Variants in DCDC1 observed in about 807,000 individuals in gnomAD.
DCDC1 encodes the protein doublecortin domain containing 1.
In DCDC1, 200 loss-of-function variants were observed where a neutral mutation model predicts 178.3. That is an observed-to-expected ratio of 1.12 (90% CI 1.00 to 1.26). The LOEUF (loss-of-function observed/expected upper bound fraction) is 1.26, where lower values mean the gene tolerates loss of function less well. Among genes scored for constraint, DCDC1 ranks in the 50% most tolerant of loss-of-function variants. DCDC1 has a pLI of 0.00. For missense variants in DCDC1, 1,983 were observed against 1,749.2 expected, an observed-to-expected ratio of 1.13 and a Z score of -2.38; for synonymous variants, 690 against 604.8, an observed-to-expected ratio of 1.14 and a Z score of -2.07.
chr11:31,268,005 A>C (rs973511110), intron 7 of DCDC1, among the ~76,000 whole-genome samples: 1 of 152,186 alleles, frequency 6.6e-6, no homozygotes, highest in Non-Finnish European at 1.5e-5. Context: ...TCCTTAGCCA[A>C]TCATGTCTGA....
intron 20 of DCDC1, among the ~76,000 whole-genome samples, chr11:30,961,619 T>C (rs1949103337): frequency 6.6e-6 from 1 of 152,038 alleles, no homozygotes; most frequent in Non-Finnish European, 1.5e-5. Context: ...TTATAATGAA[T>C]TTAAAATGGT....
rs772887215 is a variant in DCDC1, at chr11:31,305,633, G to T, written c.736C>A (p.Pro246Thr). 1.2e-6 allele frequency: 2 copies of T among 1,613,334 alleles called. No homozygotes were observed. The highest frequency in any genetic ancestry group is 2.2e-5 in the South Asian group (2 of 90,996). ...TTTTTACCTTTAATTTTTTTGAATG[G>T]ATTTAAAAAGGGCTCTCCCGTTGAA... ...YVSTGEPFLN[P>T]FKKIKDHLLL... Residue 246 changes from proline to threonine, a missense_variant, in exon 6 of 39, where the codon CCA becomes ACA. Physicochemically the swap from Pro to Thr is conservative, Grantham distance 38. Coordinates refer to ENST00000684477, the MANE Select transcript of DCDC1 (RefSeq NM_001387274.1).
intron 9 of DCDC1, among the ~76,000 whole-genome samples, chr11:31,157,795 T>C (rs1965881376): frequency 6.6e-6 from 1 of 152,162 alleles, no homozygotes; most frequent in Non-Finnish European, 1.5e-5. Context: ...AATATTCTTA[T>C]GCCACAGAAC....
chr11:30,952,632 A>G, intron 20 of DCDC1, 64 bp from the exon 21 acceptor site: 1 of 655,904 alleles, frequency 1.5e-6, no homozygotes, highest in Non-Finnish European at 2.5e-6. Flanking sequence ...TAAAATATTC[A>G]TTTTATTCAT....
intron 7 of DCDC1, among the ~76,000 whole-genome samples, chr11:31,281,251 T>C (rs1051808616): frequency 6.6e-6 from 1 of 152,084 alleles, no homozygotes; most frequent in Non-Finnish European, 1.5e-5. Context: ...ACTTTTTTCT[T>C]GCCTTATCAC....
intron 9 of DCDC1, among the ~76,000 whole-genome samples, chr11:31,153,611 C>T (rs1425356774): frequency 6.6e-6 from 1 of 151,912 alleles, no homozygotes; most frequent in African/African-American, 2.4e-5. Flanking sequence ...GGTGAAACCC[C>T]ATCTCTCCTA....
At chr11:31,248,478 T>C (rs945215626) in intron 8 of DCDC1, among the ~76,000 whole-genome samples, 17 of 152,090 alleles carry the variant, frequency 1.1e-4, no homozygotes, top group African/African-American at 3.6e-4. Flanking sequence ...CTTTTTGTTC[T>C]TTTATTTCCT....
intron 9 of DCDC1, among the ~76,000 whole-genome samples, chr11:31,234,221 G>T (rs1976170198): frequency 6.6e-6 from 1 of 152,070 alleles, no homozygotes; most frequent in African/African-American, 2.4e-5. Context: ...ATTTTAGGGA[G>T]GTTATGTAAA....
At chr11:31,355,660 C>A (rs1951304597) in intron 1 of DCDC1, among the ~76,000 whole-genome samples, 1 of 152,046 alleles carries the variant, frequency 6.6e-6, no homozygotes, top group African/African-American at 2.4e-5. Context: ...CTCTGCCTCC[C>A]AGGTTCAAGC....
chr11:31,138,169 T>C (rs1344620317), intron 9 of DCDC1, among the ~76,000 whole-genome samples: 1 of 152,188 alleles, frequency 6.6e-6, no homozygotes, highest in Non-Finnish European at 1.5e-5. Flanking sequence ...TTTGCTGTTA[T>C]GTCGGGATAA....
intron 22 of DCDC1, among the ~76,000 whole-genome samples, chr11:30,930,000 G>A (rs1260407165): frequency 1.3e-5 from 2 of 151,966 alleles, no homozygotes; most frequent in African/African-American, 4.8e-5. Context: ...AATAGCTAAA[G>A]GACAGCATGT....
chr11:31,285,710 C>T (rs1010590233), intron 7 of DCDC1, among the ~76,000 whole-genome samples: 2 of 151,950 alleles, frequency 1.3e-5, no homozygotes, highest in Non-Finnish European at 2.9e-5. Flanking sequence ...AAGTCTATTG[C>T]TTTTTTATAC....
At chr11:31,353,018 C>T (rs1258433098) in intron 1 of DCDC1, among the ~76,000 whole-genome samples, 3 of 152,198 alleles carry the variant, frequency 2.0e-5, no homozygotes, top group Non-Finnish European at 2.9e-5. Flanking sequence ...AACACATATA[C>T]AAGTGTGCAC....
intron 2 of DCDC1, among the ~76,000 whole-genome samples, chr11:31,331,071 G>A (rs1949956407): frequency 6.6e-6 from 1 of 152,128 alleles, no homozygotes; most frequent in Admixed American, 6.5e-5. Flanking sequence ...TCTTTGAACG[G>A]TGGTTTGTAG....
chr11:30,881,656 G>T (rs2133977614), intron 36 of DCDC1, among the ~76,000 whole-genome samples: 1 of 152,218 alleles, frequency 6.6e-6, no homozygotes, highest in Non-Finnish European at 1.5e-5. Context: ...TAGTGACCAA[G>T]GAACTTGAAT....
At chr11:31,187,939 C>T (rs532078995) in intron 9 of DCDC1, among the ~76,000 whole-genome samples, 3 of 152,266 alleles carry the variant, frequency 2.0e-5, no homozygotes, top group East Asian at 3.9e-4. Context: ...AATAATAATA[C>T]TTGATATTGT....
chr11:31,328,180 T>G lies in DCDC1; in HGVS notation c.101A>C (p.Glu34Ala), dbSNP rs1255611647. 6.2e-7 allele frequency: 1 copy of G among 1,612,512 alleles called. No individual in the cohort carries two copies. ...TACAGTATTCCCATCCAAAGTGCCT[T>G]CAGGGCTACTTTGCTGTAATACTTC... is the stretch of plus-strand genomic sequence containing the variant. ...AMEVLQQSSPEGTLDGNTVNP... is the reference protein window; with the variant it reads ...AMEVLQQSSPAGTLDGNTVNP... Residue 34 changes from glutamate to alanine, a missense_variant, in exon 3 of 39, where the codon GAA (glutamate) becomes GCA (alanine). Coordinates refer to ENST00000684477, the MANE Select transcript of DCDC1 (RefSeq NM_001387274.1).
chr11:31,215,610 T>C (rs1183296268), intron 9 of DCDC1, among the ~76,000 whole-genome samples: 1 of 152,014 alleles, frequency 6.6e-6, no homozygotes, highest in Non-Finnish European at 1.5e-5. Context: ...CTGGCCAACA[T>C]GGTGAAACCC....
At chr11:31,362,284 T>A (rs1033778956) in intron 1 of DCDC1, among the ~76,000 whole-genome samples, 9 of 152,146 alleles carry the variant, frequency 5.9e-5, no homozygotes, top group African/African-American at 2.2e-4. Context: ...AAACAGTTAA[T>A]TTAATAGTGA....
Sources: gnomAD v4.1 joint callset for allele counts (sites outside exome capture counted in the v4.1 genomes callset) on GRCh38, gnomAD v4.1.1 for gene constraint, MANE v1.5 for transcripts, NCBI Gene and HGNC (gene_info 2026-07-23, HGNC 2026-07-21) for gene names.